Variants in AMPH observed in about 807,000 individuals in gnomAD.
AMPH encodes amphiphysin (Stiff-Mann syndrome with breast cancer 128kD autoantigen).
In AMPH, 49 loss-of-function variants were observed where a neutral mutation model predicts 99.1. The observed-to-expected ratio is 0.49, with a 90% CI of 0.39 to 0.63. The LOEUF is 0.63. Ranked by LOEUF, AMPH falls within the 20% of genes least tolerant of loss-of-function variation. The probability of loss-of-function intolerance (pLI) is 0.00; values close to 1 mark genes in which losing one functional copy is unlikely to be tolerated. For synonymous variants in AMPH, 314 were observed against 317.3 expected, an observed-to-expected ratio of 0.99 and a Z score of 0.11; for missense variants, 759 against 863.4, an observed-to-expected ratio of 0.88 and a Z score of 1.52.
intron 17 of AMPH, among the ~76,000 whole-genome samples, chr7:38,406,713 C>CCT (rs1215455086): frequency 9.0e-6 from 1 of 111,034 alleles, no homozygotes; most frequent in Non-Finnish European, 1.9e-5. Context: ...TCTCTCCTCT[C>CCT]CTCTCTCTCT....
chr7:38,533,899 G>A lies in AMPH; in HGVS notation c.150+1032C>T, dbSNP rs188537720. Among the ~76,000 whole-genome samples, 668 of 152,076 alleles carry A rather than the reference G, an allele frequency of 4.4e-3. 2 individuals carry two copies. The highest frequency in any genetic ancestry group is 6.7e-3 in the Admixed American group (103 of 15,268). On this transcript the variant is annotated intron_variant, in intron 2 of 20. Coordinates refer to ENST00000356264, the MANE Select transcript of AMPH (RefSeq NM_001635.4). Reference sequence around the variant, plus strand: ...CTATCTTCCCCTCCCCAGCCCTTACGTGTGTTACCTAAAGAGAGATATTCT... The same window carrying A: ...CTATCTTCCCCTCCCCAGCCCTTACATGTGTTACCTAAAGAGAGATATTCT...
intron 11 of AMPH, among the ~76,000 whole-genome samples, chr7:38,443,307 T>C (rs1786630030): frequency 6.6e-6 from 1 of 151,948 alleles, no homozygotes; most frequent in Admixed American, 6.6e-5. Flanking sequence ...CAACAAATAA[T>C]ACCAACACAA....
chr7:38,485,286 G>A (rs1241216858), intron 5 of AMPH, among the ~76,000 whole-genome samples: 1 of 151,878 alleles, frequency 6.6e-6, no homozygotes, highest in Non-Finnish European at 1.5e-5. Flanking sequence ...GATGCAAAAA[G>A]ATATTCCATG....
intron 2 of AMPH, among the ~76,000 whole-genome samples, chr7:38,518,477 G>A (rs981107706): frequency 9.8e-5 from 15 of 152,302 alleles, no homozygotes; most frequent in Admixed American, 5.2e-4. Flanking sequence ...CAGTGTATCC[G>A]GTAAATGGGA....
intron 1 of AMPH, among the ~76,000 whole-genome samples, chr7:38,587,185 G>A (rs1013357732): frequency 2.0e-5 from 3 of 152,100 alleles, no homozygotes; most frequent in Admixed American, 6.5e-5. Flanking sequence ...ACAAATCAAG[G>A]AGCTGTGGCC....
chr7:38,486,116 A>T (rs780504720), intron 5 of AMPH, among the ~76,000 whole-genome samples: 12 of 151,904 alleles, frequency 7.9e-5, no homozygotes, highest in South Asian at 2.1e-4. Context: ...AATAAGTGAA[A>T]TAAAGATTAG....
chr7:38,503,827 G>T, intron 2 of AMPH, 123 bp from the exon 3 acceptor site: 4 of 934,594 alleles, frequency 4.3e-6, no homozygotes, highest in Non-Finnish European at 6.8e-6. Flanking sequence ...ACATAAATAT[G>T]TGGACACAGA....
intron 2 of AMPH, among the ~76,000 whole-genome samples, chr7:38,506,308 T>C (rs557821618): frequency 3.7e-4 from 56 of 151,956 alleles, no homozygotes; most frequent in Non-Finnish European, 6.2e-4. Flanking sequence ...AAAAGCCCAA[T>C]AGAATTAGTG....
chr7:38,477,748 G>C (rs75792443), intron 5 of AMPH, among the ~76,000 whole-genome samples: 2,616 of 151,928 alleles, frequency 0.017, 85 homozygotes, highest in African/African-American at 0.06. Flanking sequence ...TGAGGAGGGG[G>C]CACCAAACCC....
At position 38,445,010 on chromosome 7, in the gene AMPH, T is replaced by TATATATATATATATATACACACAC. The variant is rs1458295332; in HGVS notation, c.1018-8623_1018-8622insGTGTGTGTATATATATATATATAT. On this transcript the variant is annotated intron_variant, in intron 11 of 20. Coordinates refer to ENST00000356264, the MANE Select transcript of AMPH (RefSeq NM_001635.4). The stretch of plus-strand genomic sequence containing the variant: ...ATATACATATATATATATATATATA[T>TATATATATATATATATACACACAC]ACACACACACACACGGTATATACAT... 3.2e-5 allele frequency among the ~76,000 whole-genome samples: 4 copies of TATATATATATATATATACACACAC among 125,984 alleles called. No individual in the cohort carries two copies. The East Asian group carries it at 8.3e-4, about 26-fold the overall frequency. The allele number at this position is 125,984 out of a possible 152,430, so 82.7% of individuals were successfully genotyped here.
chr7:38,450,187 G>A (rs1562763473), intron 11 of AMPH, among the ~76,000 whole-genome samples: 1 of 152,062 alleles, frequency 6.6e-6, no homozygotes, highest in Non-Finnish European at 1.5e-5. Context: ...GATGTTCAAG[G>A]GATAATTCCT....
rs1180189702 is a variant in AMPH, at chr7:38,466,159, T to C, written c.666+14A>G. The C allele has an allele frequency of 1.3e-6, 2 of 1,597,496 alleles. No individual in the cohort carries two copies. Among genetic ancestry groups the C allele is most frequent in the Non-Finnish European group, 1.7e-6 (2 of 1,171,776 alleles). ...CTTTATATTCCATATGCAAAAATTA[T>C]CGTCATGACTCACCACCGCAATTTC... On this transcript the variant is annotated intron_variant, in intron 8 of 20. Transcript: ENST00000356264.
chr7:38,476,687 C>T (rs1465038329), intron 6 of AMPH, among the ~76,000 whole-genome samples, 175 bp downstream of exon 6: 1 of 152,112 alleles, frequency 6.6e-6, no homozygotes, highest in South Asian at 2.1e-4. Flanking sequence ...ATGAACTGTA[C>T]AATATAATGA....
chr7:38,446,827 C>A (rs1374106668), intron 11 of AMPH, among the ~76,000 whole-genome samples: 1 of 151,938 alleles, frequency 6.6e-6, no homozygotes. Flanking sequence ...TAAAAAAAAT[C>A]TAATAGTGGG....
rs941641193 is a variant in AMPH, at chr7:38,518,951, A to G, written c.151-15247T>C. Among the ~76,000 whole-genome samples the G allele has an allele frequency of 1.2e-4, 18 of 152,370 alleles. 1 individual carries two copies. Among genetic ancestry groups the G allele is most frequent in the African/African-American group, 2.9e-4 (12 of 41,590 alleles). ...AGTGTTGAGAGGCAGGATCTTTAAG[A>G]GATGATTAGGTCATGCGGGTTTCAC... On this transcript the variant is annotated intron_variant, in intron 2 of 20. Transcript: ENST00000356264.
intron 1 of AMPH, among the ~76,000 whole-genome samples, chr7:38,601,977 G>T (rs1160546168): frequency 6.6e-6 from 1 of 152,154 alleles, no homozygotes; most frequent in Non-Finnish European, 1.5e-5. Context: ...CTACCTGTGG[G>T]TATCAATGCA....
At chr7:38,618,874 T>C (rs1793960652) in intron 1 of AMPH, among the ~76,000 whole-genome samples, 1 of 152,218 alleles carries the variant, frequency 6.6e-6, no homozygotes, top group South Asian at 2.1e-4. Flanking sequence ...ATAAATCCTG[T>C]CTTTTCAGTT....
At chr7:38,413,406 A>C (rs1785270373) in intron 17 of AMPH, among the ~76,000 whole-genome samples, 1 of 152,150 alleles carries the variant, frequency 6.6e-6, no homozygotes, top group Admixed American at 6.5e-5. Context: ...CCATATACAT[A>C]TTTGTACTTT....
chr7:38,505,152 C>A (rs532310317), intron 2 of AMPH, among the ~76,000 whole-genome samples: 1 of 152,288 alleles, frequency 6.6e-6, no homozygotes, highest in Admixed American at 6.5e-5. Flanking sequence ...AGTACAAAAA[C>A]AAAATGTCCA....
Sources: allele counts gnomAD v4.1 joint callset (sites outside exome capture counted in the v4.1 genomes callset), GRCh38; gene constraint gnomAD v4.1.1; transcripts MANE v1.5; gene names NCBI Gene and HGNC (gene_info 2026-07-23, HGNC 2026-07-21).